Variants in SLC17A5 observed in about 807,000 individuals in gnomAD.
SLC17A5 encodes sialin.
Under a neutral mutation model 59.4 loss-of-function variants are expected in SLC17A5, and 47 were observed. That is an observed-to-expected ratio of 0.79 (90% CI 0.63 to 1.01). The LOEUF (loss-of-function observed/expected upper bound fraction) is 1.01. Ranked by LOEUF, SLC17A5 falls within the 50% of genes least tolerant of loss-of-function variation. The probability of loss-of-function intolerance (pLI) is 0.00; values close to 1 mark genes in which losing one functional copy is unlikely to be tolerated. For synonymous variants in SLC17A5, 202 were observed against 210.7 expected (o/e 0.96, Z 0.36); for missense variants, 522 against 595.5 (o/e 0.88, Z 1.28).
At position 73,647,760 on chromosome 6, in the gene SLC17A5, T is replaced by C. The variant is rs541738414; in HGVS notation, c.95-3157A>G. ...CAGGCAACTTTAACTTTTGGATGCA[T>C]AGTCAGTAATTAGAAAATAAAAAGC... On this transcript the variant is annotated intron_variant, in intron 1 of 10. Transcript: ENST00000355773. 2.9e-4 allele frequency among the ~76,000 whole-genome samples: 44 copies of C among 152,238 alleles called. 1 individual carries two copies. Among genetic ancestry groups the C allele is most frequent in the African/African-American group, 6.5e-4 (27 of 41,534 alleles).
intron 2 of SLC17A5, among the ~76,000 whole-genome samples, chr6:73,643,538 G>A (rs539631236): frequency 5.3e-5 from 8 of 151,996 alleles, no homozygotes; most frequent in Admixed American, 1.3e-4. Flanking sequence ...GTGGAATGGC[G>A]TGATCTCGGC....
At chr6:73,643,080 G>C (rs1273725059) in intron 2 of SLC17A5, among the ~76,000 whole-genome samples, 1 of 152,086 alleles carries the variant, frequency 6.6e-6, no homozygotes, top group African/African-American at 2.4e-5. Flanking sequence ...GTGAATGATA[G>C]AGGAGATTCA....
At chr6:73,648,787 AG>A (rs1450523575) in intron 1 of SLC17A5, among the ~76,000 whole-genome samples, 1 of 152,134 alleles carries the variant, frequency 6.6e-6, no homozygotes, top group Non-Finnish European at 1.5e-5. Context: ...AGTCTCTTCA[AG>A]GAGCAGGAAG....
intron 3 of SLC17A5, 69 bp from the exon 4 acceptor site, chr6:73,638,568 A>C: frequency 8.1e-7 from 1 of 1,239,880 alleles, no homozygotes; most frequent in Non-Finnish European, 1.2e-6. Context: ...AAAGTAAGTT[A>C]AGTATTTTGC....
At chr6:73,619,974 A>G (rs1259237954) in intron 7 of SLC17A5, among the ~76,000 whole-genome samples, 1 of 130,954 alleles carries the variant, frequency 7.6e-6, no homozygotes, top group African/African-American at 3.0e-5. Flanking sequence ...CCCAGGCTGG[A>G]GTGCAATGGC....
intron 1 of SLC17A5, among the ~76,000 whole-genome samples, chr6:73,651,612 G>C (rs1252450116): frequency 6.6e-6 from 1 of 151,160 alleles, no homozygotes; most frequent in African/African-American, 2.4e-5. Flanking sequence ...GCGTGATCTC[G>C]GCTCACTGCA....
At chr6:73,619,922 GTTTTT>G (rs1174723514) in intron 7 of SLC17A5, among the ~76,000 whole-genome samples, 1 of 119,122 alleles carries the variant, frequency 8.4e-6, no homozygotes, top group Non-Finnish European at 1.8e-5. Context: ...TTGAGAATTT[GTTTTT>G]TTTTTTTTTT....
chr6:73,611,803 A>G (rs561228914), intron 8 of SLC17A5, among the ~76,000 whole-genome samples: 1 of 152,174 alleles, frequency 6.6e-6, no homozygotes, highest in South Asian at 2.1e-4. Flanking sequence ...GGAACTTTAA[A>G]AAAAGTTCAA....
intron 9 of SLC17A5, among the ~76,000 whole-genome samples, chr6:73,609,071 T>C (rs1008978804): frequency 9.9e-5 from 15 of 152,238 alleles, no homozygotes; most frequent in African/African-American, 3.6e-4. Context: ...ATCAGAAGAT[T>C]CTGTAGGAGT....
Position 73,644,595 on chromosome 6 carries a change from A to G in SLC17A5, c.103T>C (p.Cys35Arg). ...GCTAAGTTGTAACGAGCAGAGCAGC[A>G]CACTGGAGCTGAAATAAAGATTGGG... ...GAPRAEAAPV[C>R]CSARYNLAIL... The change falls in exon 2 of 11, where the codon TGC (cysteine) becomes CGC (arginine). Residue 35 changes from cysteine to arginine, a missense_variant. Cys to Arg is a radical substitution (Grantham distance 180). Around this residue, in one of 3 missense-constraint regions of SLC17A5, gnomAD observed 338 missense variants for 363.8 expected, o/e 0.93. Coordinates refer to ENST00000355773, the MANE Select transcript of SLC17A5 (RefSeq NM_012434.5). 1.9e-6 allele frequency: 3 copies of G among 1,613,140 alleles called. No homozygotes were observed. The South Asian group carries it at 3.3e-5, about 18-fold the overall frequency.
At chr6:73,606,016 T>C (rs1261572464) in intron 9 of SLC17A5, among the ~76,000 whole-genome samples, 1 of 151,606 alleles carries the variant, frequency 6.6e-6, no homozygotes, top group Non-Finnish European at 1.5e-5. Flanking sequence ...ATAATAATTT[T>C]GAATTTGATG....
At chr6:73,616,755 T>TG (rs1412016292) in intron 7 of SLC17A5, among the ~76,000 whole-genome samples, 1 of 152,000 alleles carries the variant, frequency 6.6e-6, no homozygotes, top group African/African-American at 2.4e-5. Context: ...ATTGCAGGCG[T>TG]GTGTCACCAC....
At chr6:73,637,471 T>A (rs1342252709) in intron 4 of SLC17A5, among the ~76,000 whole-genome samples, 1 of 152,214 alleles carries the variant, frequency 6.6e-6, no homozygotes, top group Admixed American at 6.5e-5. Flanking sequence ...GCAAGAATAA[T>A]CTTCTTAAAA....
chr6:73,631,922 G>A (rs1297136888), intron 6 of SLC17A5, among the ~76,000 whole-genome samples: 1 of 151,030 alleles, frequency 6.6e-6, no homozygotes, highest in Non-Finnish European at 1.5e-5. Flanking sequence ...AGTAGATGCT[G>A]CACATTTCTT....
intron 1 of SLC17A5, among the ~76,000 whole-genome samples, chr6:73,649,055 T>A (rs1402094183): frequency 6.6e-6 from 1 of 151,618 alleles, no homozygotes; most frequent in Admixed American, 6.6e-5. Context: ...TGGAGTGCAG[T>A]GGCACAATCT....
At chr6:73,648,304 G>C (rs1310087625) in intron 1 of SLC17A5, among the ~76,000 whole-genome samples, 1 of 152,220 alleles carries the variant, frequency 6.6e-6, no homozygotes, top group Non-Finnish European at 1.5e-5. Flanking sequence ...GACCAAGAGA[G>C]AGAACATCCA....
At chr6:73,643,114 G>A (rs1233348939) in intron 2 of SLC17A5, among the ~76,000 whole-genome samples, 1 of 151,948 alleles carries the variant, frequency 6.6e-6, no homozygotes. Context: ...TAGTATCTTC[G>A]TGAGCACTGA....
At chr6:73,648,875 C>T (rs1280491438) in intron 1 of SLC17A5, among the ~76,000 whole-genome samples, 1 of 152,010 alleles carries the variant, frequency 6.6e-6, no homozygotes, top group African/African-American at 2.4e-5. Flanking sequence ...GACAGATAAA[C>T]ATAGGGAGAG....
intron 3 of SLC17A5, 87 bp downstream of exon 3, chr6:73,641,604 T>C (rs1287886266): frequency 3.0e-6 from 3 of 1,013,010 alleles, no homozygotes; most frequent in East Asian, 2.4e-5. Flanking sequence ...ATTTTTTGGT[T>C]CATATTCATA....
Sources: gnomAD v4.1 joint callset for allele counts (sites outside exome capture counted in the v4.1 genomes callset) on GRCh38, gnomAD v4.1.1 for gene constraint, gnomAD v4.1.1 regional missense constraint, MANE v1.5 for transcripts, NCBI Gene and HGNC (gene_info 2026-07-23, HGNC 2026-07-21) for gene names.